Variants in OPCML observed in about 807,000 individuals in gnomAD.
The protein encoded by OPCML is opioid-binding protein/cell adhesion molecule.
Under a neutral mutation model 37.8 loss-of-function variants are expected in OPCML, and 13 were observed. That is an observed-to-expected ratio of 0.34 (90% confidence interval 0.22 to 0.55). The LOEUF (loss-of-function observed/expected upper bound fraction) is 0.55. OPCML is among the 20% of genes least tolerant of loss of function. OPCML has a pLI of 0.91. For synonymous variants in OPCML, 176 were observed against 168.8 expected, an observed-to-expected ratio of 1.04 and a Z score of -0.33; for missense variants, 341 against 435.6, an observed-to-expected ratio of 0.78 and a Z score of 1.93.
intron 1 of OPCML, among the ~76,000 whole-genome samples, chr11:133,480,252 C>T (rs1406995356): frequency 2.0e-5 from 3 of 152,238 alleles, no homozygotes; most frequent in Non-Finnish European, 1.5e-5. Context: ...TCTGTTGAAT[C>T]TCTCACATCT....
Position 132,754,067 on chromosome 11 carries a change from A to G in OPCML, c.147-96748T>C, listed in dbSNP as rs147614945. Among the ~76,000 whole-genome samples the G allele has an allele frequency of 5.9e-5, 9 of 152,342 alleles. No individual in the cohort carries two copies. In the East Asian group the frequency reaches 1.7e-3, roughly 29 times the overall value. ...CTACTGTGCCTGGGCTGAGAGTGCC[A>G]GCTCCACTAAGGGAAGGGAAGCCAG... On this transcript the variant is annotated intron_variant, in intron 2 of 7. Coordinates refer to ENST00000524381, the MANE Select transcript of OPCML (RefSeq NM_001012393.5).
At chr11:132,660,161 C>A (rs1027926574) in intron 2 of OPCML, among the ~76,000 whole-genome samples, 3 of 152,036 alleles carry the variant, frequency 2.0e-5, no homozygotes, top group African/African-American at 7.2e-5. Context: ...TTTTTAAATG[C>A]CGTAGATAAA....
At chr11:133,507,297 G>C (rs971961996) in intron 1 of OPCML, among the ~76,000 whole-genome samples, 1 of 152,198 alleles carries the variant, frequency 6.6e-6, no homozygotes, top group African/African-American at 2.4e-5. Flanking sequence ...GGGACACAGT[G>C]CTGAAATGGG....
At chr11:133,487,802 T>C (rs56804843) in intron 1 of OPCML, among the ~76,000 whole-genome samples, 5,087 of 150,058 alleles carry the variant, frequency 0.034, 119 homozygotes, top group South Asian at 0.1. Flanking sequence ...TGTGTGTGTG[T>C]GCGTGTGTGT....
intron 1 of OPCML, among the ~76,000 whole-genome samples, chr11:133,165,224 C>G (rs540384877): frequency 6.6e-6 from 1 of 152,298 alleles, no homozygotes; most frequent in Admixed American, 6.5e-5. Context: ...GATGGTCTGT[C>G]TCTCCAGTCG....
intron 2 of OPCML, among the ~76,000 whole-genome samples, chr11:132,824,214 G>T (rs1167166569): frequency 6.6e-6 from 1 of 152,052 alleles, no homozygotes; most frequent in African/African-American, 2.4e-5. Flanking sequence ...TCCTTCTCTG[G>T]CTTTCTTTCT....
At chr11:132,686,788 C>T (rs1943175898) in intron 2 of OPCML, among the ~76,000 whole-genome samples, 1 of 152,144 alleles carries the variant, frequency 6.6e-6, no homozygotes, top group African/African-American at 2.4e-5. Flanking sequence ...TTCGAATGCC[C>T]TATTCTGGAC....
At position 133,173,953 on chromosome 11, in the gene OPCML, A is replaced by G. The variant is rs569398600; in HGVS notation, c.62-230943T>C. ...GCCCTCTCCCTCCATCCATTCTACA[A>G]GGATCCCCAGTCAGCCAATGCACCG... On this transcript the variant is annotated intron_variant, in intron 1 of 7. Transcript: ENST00000524381. The surrounding 1 kb of genome is among the most constrained non-coding windows in gnomAD (Gnocchi z 7.8). Among the ~76,000 whole-genome samples, 30 of 152,282 alleles carry G rather than the reference A, an allele frequency of 2.0e-4. 1 individual carries two copies. The South Asian group carries it at 6.0e-3, about 31-fold the overall frequency.
intron 2 of OPCML, among the ~76,000 whole-genome samples, chr11:132,886,646 A>G (rs997776329): frequency 2.6e-5 from 4 of 152,190 alleles, no homozygotes; most frequent in African/African-American, 9.6e-5. Context: ...GCCACATTCC[A>G]TTGGTTATGA....
At chr11:133,416,015 G>T (rs1018742908) in intron 1 of OPCML, among the ~76,000 whole-genome samples, 18 of 152,270 alleles carry the variant, frequency 1.2e-4, no homozygotes, top group African/African-American at 3.9e-4. Context: ...AGAAACACAG[G>T]CCTATCAATA....
chr11:132,766,564 A>T (rs1485402359), intron 2 of OPCML, among the ~76,000 whole-genome samples: 1 of 152,024 alleles, frequency 6.6e-6, no homozygotes, highest in Non-Finnish European at 1.5e-5. Context: ...CTCTGTTGAG[A>T]CCCTTTTATA....
intron 4 of OPCML, among the ~76,000 whole-genome samples, chr11:132,452,365 G>A (rs748099112): frequency 1.3e-5 from 2 of 152,126 alleles, no homozygotes; most frequent in African/African-American, 2.4e-5. Context: ...CCCACCAGTG[G>A]CAGACTACCT....
chr11:132,685,622 T>G (rs1430837596), intron 2 of OPCML, among the ~76,000 whole-genome samples: 2 of 152,184 alleles, frequency 1.3e-5, no homozygotes, highest in African/African-American at 2.4e-5. Flanking sequence ...TAATTGGATT[T>G]TATGTCTCCC....
chr11:133,448,779 A>T (rs754178885), intron 1 of OPCML, among the ~76,000 whole-genome samples: 5 of 152,292 alleles, frequency 3.3e-5, no homozygotes, highest in East Asian at 1.9e-4. Context: ...GCATTTTTAA[A>T]CCCAAGTCTT....
At chr11:133,120,445 C>T (rs893187741) in intron 1 of OPCML, among the ~76,000 whole-genome samples, 8 of 152,114 alleles carry the variant, frequency 5.3e-5, no homozygotes, top group Non-Finnish European at 1.0e-4. Context: ...TAAGCTTTCC[C>T]GAGCACTTAC....
At chr11:133,236,212 G>A (rs982132195) in intron 1 of OPCML, among the ~76,000 whole-genome samples, 1 of 152,152 alleles carries the variant, frequency 6.6e-6, no homozygotes, top group African/African-American at 2.4e-5. Flanking sequence ...CAGTCGATCT[G>A]GTAACCAAGG....
chr11:132,780,386 C>A (rs568365701), intron 2 of OPCML, among the ~76,000 whole-genome samples: 43 of 152,334 alleles, frequency 2.8e-4, no homozygotes, highest in Middle Eastern at 3.4e-3. Context: ...CATTCAAGGG[C>A]TTCTCACCTT....
chr11:132,628,470 C>T (rs1441743798), intron 3 of OPCML, among the ~76,000 whole-genome samples: 2 of 152,170 alleles, frequency 1.3e-5, no homozygotes, highest in Non-Finnish European at 2.9e-5. Flanking sequence ...CTTGGAAGCA[C>T]TACCCCTCCC....
intron 1 of OPCML, among the ~76,000 whole-genome samples, chr11:133,258,513 C>T (rs563868403): frequency 3.3e-5 from 5 of 152,258 alleles, no homozygotes; most frequent in African/African-American, 9.6e-5. Context: ...TGACTTTGAA[C>T]AAGAAGGTCC....
Sources: allele counts gnomAD v4.1 joint callset (sites outside exome capture counted in the v4.1 genomes callset), GRCh38; gene constraint gnomAD v4.1.1; non-coding constraint Gnocchi (gnomAD v3.1); transcripts MANE v1.5; gene names NCBI Gene and HGNC (gene_info 2026-07-23, HGNC 2026-07-21).